Variants in TENM4 observed in about 807,000 individuals in gnomAD.
TENM4 encodes the protein teneurin-4.
TENM4 carries 82 observed loss-of-function variants against 243.3 expected under a neutral mutation model. The observed-to-expected ratio is 0.34, with a 90% CI of 0.28 to 0.40. TENM4 has a LOEUF of 0.40. TENM4 is among the 10% of genes least tolerant of loss of function. The pLI is 1.00. For synonymous variants in TENM4, 1,412 were observed against 1,456.3 expected (o/e 0.97, Z 0.69); for missense variants, 3,138 against 3,673.3 (o/e 0.85, Z 3.77).
chr11:78,768,195 C>T (rs987429016), intron 18 of TENM4, among the ~76,000 whole-genome samples: 1 of 152,256 alleles, frequency 6.6e-6, no homozygotes, highest in African/African-American at 2.4e-5. Flanking sequence ...GCACCTTCCC[C>T]TTGGCTCCCG....
At chr11:79,392,523 G>C (rs1858256370) in intron 1 of TENM4, among the ~76,000 whole-genome samples, 1 of 152,180 alleles carries the variant, frequency 6.6e-6, no homozygotes, top group Non-Finnish European at 1.5e-5. Flanking sequence ...GTGTGCTCCT[G>C]GATCACAAGG....
chr11:78,856,643 G>A (rs374584111), intron 10 of TENM4, among the ~76,000 whole-genome samples: 1 of 151,708 alleles, frequency 6.6e-6, no homozygotes, highest in Non-Finnish European at 1.5e-5. Flanking sequence ...ACTTGATGGA[G>A]TAAGGTATTT....
At chr11:79,011,021 C>T (rs1044492083) in intron 6 of TENM4, among the ~76,000 whole-genome samples, 1 of 152,196 alleles carries the variant, frequency 6.6e-6, no homozygotes, top group East Asian at 1.9e-4. Context: ...GAGAAATAAA[C>T]AAAACACATA....
chr11:78,875,510 C>A (rs1859247649), intron 9 of TENM4, among the ~76,000 whole-genome samples: 2 of 152,266 alleles, frequency 1.3e-5, no homozygotes, highest in Non-Finnish European at 2.9e-5. Flanking sequence ...AGCCTAGTTT[C>A]TTTCATTAGC....
chr11:79,238,370 T>G (rs181665343), intron 2 of TENM4, among the ~76,000 whole-genome samples: 1 of 152,280 alleles, frequency 6.6e-6, no homozygotes, highest in East Asian at 1.9e-4. Flanking sequence ...CAACAATGTG[T>G]GTGGGCAGCA....
intron 3 of TENM4, among the ~76,000 whole-genome samples, chr11:79,204,549 T>C (rs1342824332): frequency 1.3e-5 from 2 of 152,176 alleles, no homozygotes; most frequent in Non-Finnish European, 2.9e-5. Context: ...TAGGATACCA[T>C]TTCATACCCA....
intron 1 of TENM4, among the ~76,000 whole-genome samples, chr11:79,426,041 G>T (rs1162403691): frequency 1.3e-5 from 2 of 152,138 alleles, no homozygotes; most frequent in African/African-American, 4.8e-5. Context: ...CCACACTCTG[G>T]TCTAGAATGA....
intron 3 of TENM4, among the ~76,000 whole-genome samples, chr11:79,161,875 G>A (rs1288258928): frequency 2.6e-5 from 4 of 152,174 alleles, no homozygotes; most frequent in African/African-American, 7.2e-5. Context: ...TGACCCAAGT[G>A]CGCACTTAGA....
At chr11:79,251,287 G>A (rs906522293) in intron 2 of TENM4, among the ~76,000 whole-genome samples, 54 of 152,308 alleles carry the variant, frequency 3.5e-4, no homozygotes, top group African/African-American at 1.2e-3. Flanking sequence ...CCATCCAGCT[G>A]CATAGGAAAC....
chr11:79,237,967 A>G (rs913149744), intron 2 of TENM4, among the ~76,000 whole-genome samples: 8 of 152,148 alleles, frequency 5.3e-5, no homozygotes, highest in Non-Finnish European at 1.2e-4. Flanking sequence ...AAAAAGCCCA[A>G]CACTTCCTCG....
At chr11:79,385,496 A>G (rs982057217) in intron 1 of TENM4, among the ~76,000 whole-genome samples, 1 of 152,246 alleles carries the variant, frequency 6.6e-6, no homozygotes, top group Non-Finnish European at 1.5e-5. Context: ...GAGAGTATAT[A>G]TGGATTAACT....
chr11:79,092,126 C>G (rs762213345), intron 4 of TENM4, among the ~76,000 whole-genome samples: 1 of 152,180 alleles, frequency 6.6e-6, no homozygotes, highest in Non-Finnish European at 1.5e-5. Context: ...AAGGGGCAGG[C>G]CTTTTTTTCT....
intron 1 of TENM4, among the ~76,000 whole-genome samples, chr11:79,376,866 G>T (rs1307373716): frequency 6.6e-6 from 1 of 152,176 alleles, no homozygotes; most frequent in Non-Finnish European, 1.5e-5. Flanking sequence ...GCAGCCCCTA[G>T]TGCTGGTGTG....
At chr11:79,063,104 T>C (rs1042150940) in intron 6 of TENM4, among the ~76,000 whole-genome samples, 3 of 152,142 alleles carry the variant, frequency 2.0e-5, no homozygotes, top group Admixed American at 1.3e-4. Context: ...ATGTTAGTCC[T>C]CTGGGAGGGG....
chr11:79,244,653 T>C (rs554156070), intron 2 of TENM4, among the ~76,000 whole-genome samples: 1 of 152,292 alleles, frequency 6.6e-6, no homozygotes, highest in Admixed American at 6.5e-5. Context: ...TAAAAAAATA[T>C]ATTATGACTC....
At chr11:79,330,505 T>A (rs1429884241) in intron 1 of TENM4, among the ~76,000 whole-genome samples, 2 of 152,182 alleles carry the variant, frequency 1.3e-5, no homozygotes, top group Admixed American at 1.3e-4. Context: ...GCATTCAGCC[T>A]GGTGCACAGA....
chr11:79,005,452 G>T (rs1054553617), intron 6 of TENM4, among the ~76,000 whole-genome samples: 3 of 152,034 alleles, frequency 2.0e-5, no homozygotes, highest in Admixed American at 6.6e-5. Context: ...TTCAATATAC[G>T]CAAGTCAATA....
intron 16 of TENM4, among the ~76,000 whole-genome samples, chr11:78,786,615 T>C (rs552400781): frequency 6.6e-6 from 1 of 152,302 alleles, no homozygotes; most frequent in South Asian, 2.1e-4. Context: ...CTGACACAGA[T>C]CCATACCGCA....
At chr11:79,077,080 CTT>C (rs1433128544) in intron 4 of TENM4, among the ~76,000 whole-genome samples, 2 of 152,122 alleles carry the variant, frequency 1.3e-5, no homozygotes, top group African/African-American at 4.8e-5. Context: ...TGCTAAGTCC[CTT>C]TTCTGTCCTA....
Sources: allele counts gnomAD v4.1 joint callset (sites outside exome capture counted in the v4.1 genomes callset), GRCh38; gene constraint gnomAD v4.1.1; transcripts MANE v1.5; gene names NCBI Gene and HGNC (gene_info 2026-07-23, HGNC 2026-07-21).